UBXN7: variants seen among roughly 807,000 people sequenced by gnomAD.
UBXN7 encodes UBX domain-containing protein 7.
In UBXN7, 9 loss-of-function variants were observed where a neutral mutation model predicts 58.0. That is an observed-to-expected ratio of 0.16 (90% CI 0.09 to 0.27). The LOEUF (loss-of-function observed/expected upper bound fraction) is 0.27. Among genes scored for constraint, UBXN7 ranks in the 10% least tolerant of loss-of-function variants. The probability of loss-of-function intolerance (pLI) is 1.00; values close to 1 mark genes in which losing one functional copy is unlikely to be tolerated. For missense variants in UBXN7, 328 were observed against 599.6 expected, an observed-to-expected ratio of 0.55 and a Z score of 4.73; for synonymous variants, 208 against 205.0, an observed-to-expected ratio of 1.01 and a Z score of -0.12.
intron 1 of UBXN7, among the ~76,000 whole-genome samples, chr3:196,408,081 G>A (rs1313552640): frequency 8.0e-6 from 1 of 125,020 alleles, no homozygotes; most frequent in Non-Finnish European, 1.6e-5. Flanking sequence ...CTGGGCAACA[G>A]AGCGAGACTC....
intron 1 of UBXN7, among the ~76,000 whole-genome samples, chr3:196,411,518 A>G (rs927374105): frequency 6.6e-6 from 1 of 152,238 alleles, no homozygotes; most frequent in African/African-American, 2.4e-5. Context: ...AGGCTTCAAA[A>G]AACTAGCAGA....
At position 196,432,284 on chromosome 3, in the gene UBXN7, C is replaced by T. The variant is rs1432901812; in HGVS notation, c.73+43G>A. ...AAGCCCGGGGCAGACCCGCTGCCCG[C>T]TCCGGACCCCACTCTCCACCTTCCG... On this transcript the variant is annotated intron_variant, in intron 1 of 10. Transcript: ENST00000296328. 6 of 1,611,136 alleles carry T rather than the reference C, an allele frequency of 3.7e-6. No individual in the cohort carries two copies. In the South Asian group the frequency reaches 6.6e-5, roughly 18 times the overall value.
chr3:196,390,036 A>C (rs1177001467), intron 5 of UBXN7, among the ~76,000 whole-genome samples: 1 of 151,988 alleles, frequency 6.6e-6, no homozygotes. Flanking sequence ...TGGGGAACAC[A>C]GCAAGACCCC....
rs9871200 is a variant in UBXN7 at position 196,374,396 on chromosome 3, T to C, written c.469-2354A>G. The stretch of plus-strand genomic sequence containing the variant: ...GGTACAGTTATAGATATTAAAGTAA[T>C]AGCAGTTCTAAAATATAAAAATCTT... On this transcript the variant is annotated intron_variant, in intron 5 of 10. Transcript: ENST00000296328. 6.4e-3 allele frequency among the ~76,000 whole-genome samples: 969 copies of C among 152,236 alleles called. 8 individuals are homozygous for C. Among genetic ancestry groups the C allele is most frequent in the Middle Eastern group, 0.017 (5 of 294 alleles).
In UBXN7 at chr3:196,407,344, A is replaced by G; in HGVS notation, c.123T>C (p.Asn41=). 6.2e-7 allele frequency: 1 copy of G among 1,612,116 alleles called. No individual in the cohort carries two copies. Among genetic ancestry groups the G allele is most frequent in the Admixed American group, 1.7e-5 (1 of 59,830 alleles). ...GKHMLEACNN[N]LEMAVTMFLD... ...AAAACATAGTGACTGCCATTTCCAG[A>G]TTATTGTTGCACGCTTCAAGCATAT... Residue 41 remains asparagine (N), a synonymous_variant, in exon 2 of 11, where the codon AAT becomes AAC. Coordinates refer to ENST00000296328, the MANE Select transcript of UBXN7 (RefSeq NM_015562.2).
intron 5 of UBXN7, among the ~76,000 whole-genome samples, chr3:196,380,620 G>A (rs1223441396): frequency 1.3e-5 from 2 of 152,248 alleles, no homozygotes; most frequent in African/African-American, 2.4e-5. Context: ...ATCTCACTGG[G>A]ACTGGGTGGA....
intron 1 of UBXN7, among the ~76,000 whole-genome samples, chr3:196,428,256 A>G (rs1180355283): frequency 6.6e-6 from 1 of 152,162 alleles, no homozygotes; most frequent in Non-Finnish European, 1.5e-5. Context: ...TGACCATGCA[A>G]AAAAGGTTTG....
intron 5 of UBXN7, among the ~76,000 whole-genome samples, chr3:196,378,171 A>T (rs543486800): frequency 6.6e-6 from 1 of 152,280 alleles, no homozygotes; most frequent in African/African-American, 2.4e-5. Flanking sequence ...GATTTTATAT[A>T]ATTTACCACT....
chr3:196,432,303 C>T, intron 1 of UBXN7, 24 bp downstream of exon 1: 2 of 1,613,270 alleles, frequency 1.2e-6, no homozygotes, highest in East Asian at 2.2e-5. Context: ...CCACTCTCCA[C>T]CTTCCGGTAA....
chr3:196,372,075 T>C, intron 5 of UBXN7, 33 bp from the exon 6 acceptor site: 6 of 1,557,228 alleles, frequency 3.9e-6, no homozygotes, highest in Non-Finnish European at 5.2e-6. Context: ...TTGTTAGAAA[T>C]AATTTCTACT....
At chr3:196,426,411 G>A (rs550630062) in intron 1 of UBXN7, among the ~76,000 whole-genome samples, 2 of 148,460 alleles carry the variant, frequency 1.3e-5, no homozygotes, top group East Asian at 2.0e-4. Context: ...AAGAAATTCT[G>A]AAATGTATTC....
intron 6 of UBXN7, among the ~76,000 whole-genome samples, chr3:196,369,786 C>T (rs1166312302): frequency 6.6e-6 from 1 of 152,138 alleles, no homozygotes; most frequent in East Asian, 1.9e-4. Flanking sequence ...AGTTATCTGT[C>T]AACTATGTCA....
chr3:196,432,048 C>G (rs1218607614), intron 1 of UBXN7: 19 of 569,088 alleles, frequency 3.3e-5, no homozygotes, highest in Non-Finnish European at 5.7e-5. Flanking sequence ...CGGGGGCGGA[C>G]GGACTCGGCC....
At chr3:196,406,921 G>A (rs1329165190) in intron 2 of UBXN7, among the ~76,000 whole-genome samples, 4 of 152,266 alleles carry the variant, frequency 2.6e-5, no homozygotes, top group East Asian at 1.9e-4. Flanking sequence ...CATCCAATAA[G>A]GTGTTTGTTT....
At chr3:196,432,088 G>T (rs1328887708) in intron 1 of UBXN7, 1 of 633,652 alleles carries the variant, frequency 1.6e-6, no homozygotes, top group South Asian at 1.8e-5. Context: ...GCGGGGGGTT[G>T]GGGGATCTCC....
chr3:196,393,898 TG>T (rs1729662085), intron 3 of UBXN7: 1 of 222,716 alleles, frequency 4.5e-6, no homozygotes, highest in Non-Finnish European at 9.1e-6. Context: ...AAATCATTCA[TG>T]TATAATTAAT....
At chr3:196,374,029 T>G (rs941237287) in intron 5 of UBXN7, among the ~76,000 whole-genome samples, 1 of 152,206 alleles carries the variant, frequency 6.6e-6, no homozygotes, top group African/African-American at 2.4e-5. Context: ...ATATTTCCAT[T>G]TACTTCCTTA....
intron 10 of UBXN7, among the ~76,000 whole-genome samples, chr3:196,360,125 G>A (rs1254210981): frequency 1.3e-5 from 2 of 152,224 alleles, no homozygotes; most frequent in African/African-American, 4.8e-5. Context: ...GTTGGTTCAT[G>A]AGGTTGAAGG....
chr3:196,419,292 T>TTAAATAAA lies in UBXN7; in HGVS notation c.74-11907_74-11900dup, dbSNP rs756643464. Reference sequence around the variant, plus strand: ...GAGCAAGACCCTGTCTCTAAATAAATTAAATAAATAAATAAATAAATAAAT... The same window carrying TTAAATAAA: ...GAGCAAGACCCTGTCTCTAAATAAATTAAATAAATAAATAAATAAATAAATAAATAAAT... On this transcript the variant is annotated intron_variant, in intron 1 of 10. Coordinates refer to ENST00000296328, the MANE Select transcript of UBXN7 (RefSeq NM_015562.2). 3.4e-3 allele frequency among the ~76,000 whole-genome samples: 509 copies of TTAAATAAA among 148,960 alleles called. 6 individuals carry two copies. Among genetic ancestry groups the TTAAATAAA allele is most frequent in the African/African-American group, 0.012 (487 of 39,772 alleles).
Sources: gnomAD v4.1 joint callset for allele counts (sites outside exome capture counted in the v4.1 genomes callset) on GRCh38, gnomAD v4.1.1 for gene constraint, MANE v1.5 for transcripts, NCBI Gene and HGNC (gene_info 2026-07-23, HGNC 2026-07-21) for gene names.